Variants in ELOVL5 observed in about 807,000 individuals in gnomAD.
ELOVL5 encodes the protein very long chain fatty acid elongase 5.
Under a neutral mutation model 38.6 loss-of-function variants are expected in ELOVL5, and 8 were observed. The observed-to-expected ratio is 0.21, with a 90% confidence interval of 0.12 to 0.37. The LOEUF is 0.37. Among genes scored for constraint, ELOVL5 ranks in the 10% least tolerant of loss-of-function variants. The pLI is 1.00. For missense variants in ELOVL5, 280 were observed against 367.8 expected (o/e 0.76, Z 1.95); for synonymous variants, 127 against 133.7 (o/e 0.95, Z 0.34).
At chr6:53,314,985 T>G (rs1362083795) in intron 1 of ELOVL5, among the ~76,000 whole-genome samples, 2 of 152,184 alleles carry the variant, frequency 1.3e-5, no homozygotes, top group Non-Finnish European at 2.9e-5. Flanking sequence ...TTCACATACA[T>G]GAACAATTTA....
chr6:53,289,273 G>C (rs1254779548), intron 3 of ELOVL5, among the ~76,000 whole-genome samples: 5 of 152,224 alleles, frequency 3.3e-5, no homozygotes, highest in African/African-American at 1.2e-4. Context: ...TTACAGGTGT[G>C]TGACCACAGA....
At chr6:53,280,494 A>C (rs935232885) in intron 3 of ELOVL5, among the ~76,000 whole-genome samples, 6 of 152,254 alleles carry the variant, frequency 3.9e-5, no homozygotes, top group African/African-American at 1.4e-4. Context: ...TCTCCATATG[A>C]GATAAAGTCA....
At chr6:53,346,200 T>C (rs1769534581) in intron 1 of ELOVL5, among the ~76,000 whole-genome samples, 1 of 152,174 alleles carries the variant, frequency 6.6e-6, no homozygotes, top group South Asian at 2.1e-4. Flanking sequence ...CTGAGGATGA[T>C]GGTTTCCAGC....
intron 3 of ELOVL5, among the ~76,000 whole-genome samples, chr6:53,287,533 T>C (rs773116141): frequency 6.6e-6 from 1 of 151,970 alleles, no homozygotes; most frequent in Non-Finnish European, 1.5e-5. Context: ...GTGGGAACAA[T>C]GGGATAGCCA....
intron 1 of ELOVL5, among the ~76,000 whole-genome samples, chr6:53,337,728 T>A (rs1769135939): frequency 6.6e-6 from 1 of 152,204 alleles, no homozygotes; most frequent in African/African-American, 2.4e-5. Flanking sequence ...TACAACCTCA[T>A]CTAATTTTTA....
rs181614400 is a variant in ELOVL5, at chr6:53,320,361, T to C, written c.-8-24654A>G. 7.2e-4 allele frequency among the ~76,000 whole-genome samples: 109 copies of C among 151,654 alleles called. 1 individual carries two copies. In the East Asian group the frequency reaches 0.016, roughly 22 times the overall value. ...TTCTTTTTTTTCTTTTTTTGAGACA[T>C]AGTTGCGCTCTGTCGCCCAGGCTGG... On this transcript the variant is annotated intron_variant, in intron 1 of 7. Coordinates refer to ENST00000304434, the MANE Select transcript of ELOVL5 (RefSeq NM_021814.5).
chr6:53,333,069 C>T (rs898431526), intron 1 of ELOVL5, among the ~76,000 whole-genome samples: 2 of 152,340 alleles, frequency 1.3e-5, no homozygotes, highest in South Asian at 2.1e-4. Context: ...GGGAGTGACA[C>T]TCCACCTCTC....
intron 1 of ELOVL5, among the ~76,000 whole-genome samples, chr6:53,333,180 T>TA (rs1203523403): frequency 6.6e-6 from 1 of 152,188 alleles, no homozygotes; most frequent in Non-Finnish European, 1.5e-5. Flanking sequence ...CCTCAACACT[T>TA]ACCTGCTATA....
chr6:53,311,350 G>GA (rs1481398244), intron 1 of ELOVL5, among the ~76,000 whole-genome samples: 1 of 152,192 alleles, frequency 6.6e-6, no homozygotes, highest in Admixed American at 6.5e-5. Context: ...AGTAGATGGA[G>GA]AAAGTGAAAT....
chr6:53,326,675 T>C (rs902870587), intron 1 of ELOVL5, among the ~76,000 whole-genome samples: 1 of 152,188 alleles, frequency 6.6e-6, no homozygotes, highest in African/African-American at 2.4e-5. Flanking sequence ...ATACAAATTA[T>C]TTAACCTGTG....
At chr6:53,321,045 C>G (rs1386039956) in intron 1 of ELOVL5, among the ~76,000 whole-genome samples, 1 of 152,082 alleles carries the variant, frequency 6.6e-6, no homozygotes, top group Non-Finnish European at 1.5e-5. Context: ...AATCCTTCCA[C>G]CCACTGGATT....
intron 1 of ELOVL5, among the ~76,000 whole-genome samples, chr6:53,300,391 G>T (rs1767202913): frequency 6.6e-6 from 1 of 152,058 alleles, no homozygotes; most frequent in African/African-American, 2.4e-5. Context: ...ATTGCAGGCT[G>T]GTGAGAAAGA....
At chr6:53,288,705 T>C (rs1766661889) in intron 3 of ELOVL5, among the ~76,000 whole-genome samples, 1 of 152,250 alleles carries the variant, frequency 6.6e-6, no homozygotes, top group Admixed American at 6.5e-5. Context: ...GTTATTTTCC[T>C]TCTAGTAAAT....
intron 6 of ELOVL5, among the ~76,000 whole-genome samples, chr6:53,271,828 A>G (rs937701691): frequency 6.6e-6 from 1 of 152,130 alleles, no homozygotes; most frequent in Non-Finnish European, 1.5e-5. Context: ...CTTAAAATAA[A>G]TCCTGACAAC....
At chr6:53,304,382 AAAAAAC>A (rs1345435292) in intron 1 of ELOVL5, among the ~76,000 whole-genome samples, 1 of 152,184 alleles carries the variant, frequency 6.6e-6, no homozygotes, top group Non-Finnish European at 1.5e-5. Context: ...GTGAGCCCAT[AAAAAAC>A]AAAAACAGAA....
chr6:53,341,354 T>C (rs547076559), intron 1 of ELOVL5, among the ~76,000 whole-genome samples: 234 of 152,330 alleles, frequency 1.5e-3, no homozygotes, highest in Non-Finnish European at 2.5e-3. Flanking sequence ...TTTCCTCTCA[T>C]GTATCTAAAG....
chr6:53,348,038 C>T, intron 1 of ELOVL5, among the ~76,000 whole-genome samples: 1 of 151,326 alleles, frequency 6.6e-6, no homozygotes. Flanking sequence ...CCGCCGCGCG[C>T]CTCCCTCGCA....
chr6:53,312,931 T>G (rs1453213850), intron 1 of ELOVL5, among the ~76,000 whole-genome samples: 1 of 152,224 alleles, frequency 6.6e-6, no homozygotes, highest in African/African-American at 2.4e-5. Context: ...AGACTTTACC[T>G]AAATGCAGGT....
At chr6:53,281,550 G>A (rs547570548) in intron 3 of ELOVL5, among the ~76,000 whole-genome samples, 3 of 152,302 alleles carry the variant, frequency 2.0e-5, no homozygotes, top group Non-Finnish European at 2.9e-5. Flanking sequence ...TTCTTAGTAA[G>A]AACATGGTAG....
Sources: gnomAD v4.1 joint callset for allele counts (sites outside exome capture counted in the v4.1 genomes callset) on GRCh38, gnomAD v4.1.1 for gene constraint, MANE v1.5 for transcripts, NCBI Gene and HGNC (gene_info 2026-07-23, HGNC 2026-07-21) for gene names.